The following PDE8B variants were observed in gnomAD, a reference collection of about 807,000 sequenced individuals.
PDE8B encodes phosphodiesterase 8B.
PDE8B carries 26 observed loss-of-function variants against 101.3 expected under a neutral mutation model. The observed-to-expected ratio is 0.26, with a 90% confidence interval of 0.19 to 0.36. The LOEUF is 0.36. Ranked by LOEUF, PDE8B falls within the 10% of genes least tolerant of loss-of-function variation. The pLI is 1.00. For missense variants in PDE8B, 810 were observed against 1,163.1 expected (o/e 0.70, Z 4.42); for synonymous variants, 424 against 429.3 (o/e 0.99, Z 0.15).
At chr5:77,311,938 G>A (rs1382439633) in intron 1 of PDE8B, 56 bp from the exon 2 acceptor site, 6 of 1,312,722 alleles carry the variant, frequency 4.6e-6, no homozygotes, top group Non-Finnish European at 6.6e-6. Context: ...AAGGAAGGAT[G>A]TATCCATTTG....
chr5:77,253,880 A>C (rs978429234), intron 1 of PDE8B, among the ~76,000 whole-genome samples: 1 of 151,982 alleles, frequency 6.6e-6, no homozygotes, highest in African/African-American at 2.4e-5. Flanking sequence ...AGACTGAACT[A>C]TAATGGATTT....
At chr5:77,274,224 C>CA (rs1221379024) in intron 1 of PDE8B, among the ~76,000 whole-genome samples, 1 of 152,042 alleles carries the variant, frequency 6.6e-6, no homozygotes, top group African/African-American at 2.4e-5. Flanking sequence ...AATTAATCCT[C>CA]AAAAAATCCC....
chr5:77,242,108 G>A (rs1561400793), intron 1 of PDE8B, among the ~76,000 whole-genome samples: 1 of 152,310 alleles, frequency 6.6e-6, no homozygotes, highest in Middle Eastern at 3.4e-3. Flanking sequence ...AAAACCTGGC[G>A]AGAATGCATG....
intron 10 of PDE8B, among the ~76,000 whole-genome samples, chr5:77,391,748 G>A (rs922201245): frequency 1.3e-5 from 2 of 152,220 alleles, no homozygotes; most frequent in South Asian, 2.1e-4. Flanking sequence ...CAGAGGATAC[G>A]CAAGAAAGGC....
intron 4 of PDE8B, 42 bp downstream of exon 4, chr5:77,329,099 A>C (rs769683936): frequency 6.7e-7 from 1 of 1,483,584 alleles, no homozygotes; most frequent in Middle Eastern, 1.7e-4. Context: ...AGTACTGTTC[A>C]TTCTGAAATA....
At chr5:77,290,015 G>A (rs890923893) in intron 1 of PDE8B, among the ~76,000 whole-genome samples, 4 of 152,198 alleles carry the variant, frequency 2.6e-5, no homozygotes, top group African/African-American at 9.7e-5. Context: ...AAGAATGAAT[G>A]AGAGATTATC....
chr5:77,383,466 C>G (rs1787920007), intron 10 of PDE8B, among the ~76,000 whole-genome samples: 1 of 152,098 alleles, frequency 6.6e-6, no homozygotes, highest in African/African-American at 2.4e-5. Context: ...GCTTTTGTTG[C>G]CATTGTTTTT....
chr5:77,285,889 A>G (rs1162066038), intron 1 of PDE8B, among the ~76,000 whole-genome samples: 1 of 152,014 alleles, frequency 6.6e-6, no homozygotes, highest in Non-Finnish European at 1.5e-5. Context: ...TACAGTGAAT[A>G]TTTATTTCCA....
intron 10 of PDE8B, among the ~76,000 whole-genome samples, chr5:77,395,555 G>A (rs2150961248): frequency 6.6e-6 from 1 of 151,530 alleles, no homozygotes; most frequent in East Asian, 2.0e-4. Context: ...ACCTCGCTAG[G>A]ATAAGTCCTT....
chr5:77,231,537 T>A (rs954733400), intron 1 of PDE8B, among the ~76,000 whole-genome samples: 58 of 152,162 alleles, frequency 3.8e-4, no homozygotes, highest in African/African-American at 1.4e-3. Flanking sequence ...GTAGGAACGA[T>A]GATAATGGTA....
intron 1 of PDE8B, among the ~76,000 whole-genome samples, chr5:77,252,605 CTGTT>C (rs1758282572): frequency 6.6e-6 from 1 of 152,156 alleles, no homozygotes; most frequent in African/African-American, 2.4e-5. Context: ...ATGTCTGTTG[CTGTT>C]TGTTTGAGGA....
chr5:77,325,387 C>A, intron 2 of PDE8B, 152 bp from the exon 3 acceptor site: 1 of 732,392 alleles, frequency 1.4e-6, no homozygotes. Flanking sequence ...CCTGGCTGGT[C>A]TTGAACACCT....
chr5:77,232,865 T>A (rs1298425099), intron 1 of PDE8B, among the ~76,000 whole-genome samples: 1 of 152,212 alleles, frequency 6.6e-6, no homozygotes, highest in African/African-American at 2.4e-5. Flanking sequence ...AAATTTGTAA[T>A]CCAGGGTTAA....
At chr5:77,126,240 G>A in the PDE8B span, among the ~76,000 whole-genome samples, 1 of 151,514 alleles carries the variant, frequency 6.6e-6, no homozygotes, top group Non-Finnish European at 1.5e-5. Context: ...AACTGAGTTT[G>A]TGCCACTACA....
At chr5:77,173,261 T>G in the PDE8B span, among the ~76,000 whole-genome samples, 1 of 152,202 alleles carries the variant, frequency 6.6e-6, no homozygotes, top group African/African-American at 2.4e-5. Context: ...TATCTTCAAC[T>G]CTTTGCAAAC....
intron 1 of PDE8B, among the ~76,000 whole-genome samples, chr5:77,248,897 C>G (rs1180145806): frequency 1.3e-5 from 2 of 152,184 alleles, no homozygotes; most frequent in African/African-American, 4.8e-5. Flanking sequence ...CTCCCCACTC[C>G]CTGCCATGTG....
chr5:77,331,798 T>A (rs1201389156), intron 5 of PDE8B, among the ~76,000 whole-genome samples: 1 of 152,224 alleles, frequency 6.6e-6, no homozygotes, highest in Admixed American at 6.5e-5. Flanking sequence ...AATGTGTGTG[T>A]GATCATACAT....
At chr5:77,183,095 A>C in the PDE8B span, among the ~76,000 whole-genome samples, 1 of 141,810 alleles carries the variant, frequency 7.1e-6, no homozygotes, top group African/African-American at 2.8e-5. Context: ...ACACCTTCTG[A>C]AGATGTGCTA....
rs185688390 is a variant in PDE8B, at chr5:77,338,254, C to T, written c.797+939C>T. Among the ~76,000 whole-genome samples, 400 of 152,264 alleles carry T rather than the reference C, an allele frequency of 2.6e-3. 2 individuals are homozygous for T. Among genetic ancestry groups the T allele is most frequent in the Non-Finnish European group, 3.2e-3 (216 of 68,018 alleles). Reference sequence around the variant, plus strand: ...TTGATTACTTATTGTCATTCAAAGACGACAAAATCCTTTTCAAACTTAATT... The same window carrying T: ...TTGATTACTTATTGTCATTCAAAGATGACAAAATCCTTTTCAAACTTAATT... On this transcript the variant is annotated intron_variant, in intron 6 of 21. Transcript: ENST00000264917.
Sources: allele counts gnomAD v4.1 joint callset (sites outside exome capture counted in the v4.1 genomes callset), GRCh38; gene constraint gnomAD v4.1.1; transcripts MANE v1.5; gene names NCBI Gene and HGNC (gene_info 2026-07-23, HGNC 2026-07-21).